The following CACNA2D2 variants were observed in gnomAD, a reference collection of about 807,000 sequenced individuals.
The protein encoded by CACNA2D2 is voltage-dependent calcium channel subunit alpha-2/delta-2.
Under a neutral mutation model 166.4 loss-of-function variants are expected in CACNA2D2, and 48 were observed. That is an observed-to-expected ratio of 0.29 (90% confidence interval 0.23 to 0.37). The LOEUF (loss-of-function observed/expected upper bound fraction) is 0.37, where lower values mean the gene tolerates loss of function less well. Ranked by LOEUF, CACNA2D2 falls within the 10% of genes least tolerant of loss-of-function variation. The pLI, the probability that CACNA2D2 is intolerant of heterozygous loss-of-function variation, is 1.00. For synonymous variants in CACNA2D2, 561 were observed against 573.7 expected, an observed-to-expected ratio of 0.98 and a Z score of 0.32; for missense variants, 1,122 against 1,433.0, an observed-to-expected ratio of 0.78 and a Z score of 3.50.
intron 3 of CACNA2D2, among the ~76,000 whole-genome samples, chr3:50,425,320 C>A (rs1707755771): frequency 6.6e-6 from 1 of 152,188 alleles, no homozygotes; most frequent in Non-Finnish European, 1.5e-5. Context: ...GGGAACTCTA[C>A]TAAGATGCCT....
chr3:50,395,871 G>A lies in CACNA2D2; in HGVS notation c.406-1703C>T, dbSNP rs537118763. Among the ~76,000 whole-genome samples, 13 of 152,268 alleles carry A rather than the reference G, an allele frequency of 8.5e-5. No individual in the cohort carries two copies. In the South Asian group the frequency reaches 2.7e-3, roughly 32 times the overall value. ...CACTGAGTGGTGGGGGAGGCTATGAGGCTGGGGTCCCGGGAGCAGGGGGAG... is the reference window on the plus strand; with the variant it reads ...CACTGAGTGGTGGGGGAGGCTATGAAGCTGGGGTCCCGGGAGCAGGGGGAG... On this transcript the variant is annotated intron_variant, in intron 3 of 37. Transcript: ENST00000424201.
intron 3 of CACNA2D2, among the ~76,000 whole-genome samples, chr3:50,433,889 C>T (rs1342417888): frequency 6.6e-6 from 1 of 152,186 alleles, no homozygotes; most frequent in Admixed American, 6.5e-5. Flanking sequence ...AGAGCCCCCT[C>T]GACACTCCCT....
chr3:50,471,153 G>A (rs1022637230), intron 2 of CACNA2D2, among the ~76,000 whole-genome samples: 11 of 152,092 alleles, frequency 7.2e-5, no homozygotes, highest in African/African-American at 2.7e-4. Flanking sequence ...AGGTGGCTGG[G>A]TAGAGGGGTG....
Position 50,379,376 on chromosome 3 carries a change from C to A in CACNA2D2, c.1152+56G>T. 6.3e-7 allele frequency: 1 copy of A among 1,595,810 alleles called. No homozygotes were observed. Among genetic ancestry groups the A allele is most frequent in the South Asian group, 1.1e-5 (1 of 89,644 alleles). ...CATCCGTCTTGATTTCCTGGGTACA[C>A]CAAGCCAGGGCCCTCTACTCCCCCA... On this transcript the variant is annotated intron_variant, in intron 11 of 37. Coordinates refer to ENST00000424201, the MANE Select transcript of CACNA2D2 (RefSeq NM_006030.4). The surrounding 1 kb of genome is among the most constrained non-coding windows in gnomAD (Gnocchi z 6.5).
At chr3:50,468,441 G>GTGTGTGTGTGTGTGTGT (rs61609978) in intron 2 of CACNA2D2, among the ~76,000 whole-genome samples, 19 of 140,504 alleles carry the variant, frequency 1.4e-4, no homozygotes, top group East Asian at 6.3e-4. Flanking sequence ...GTGTGTGTGT[G>GTGTGTGTGTGTGTGTGT]GCTTTAGGAA....
rs552824990 is a variant in CACNA2D2, at chr3:50,434,354, C to T, written c.364G>A (p.Asp122Asn). The T allele has an allele frequency of 6.2e-7, 1 of 1,613,990 alleles. No homozygotes were observed. The highest frequency in any genetic ancestry group is 8.5e-7 in the Non-Finnish European group (1 of 1,179,994). ...PQKLVEKVAGDIESLLDRKVQ... is the reference protein window; with the variant it reads ...PQKLVEKVAGNIESLLDRKVQ... The stretch of plus-strand genomic sequence containing the variant: ...TTCCTGTCCAGAAGGCTCTCAATGT[C>T]CCCTGCCACCTTCTCCACCAACTTC... Residue 122 changes from aspartate to asparagine, a missense_variant, in exon 3 of 38, where the codon GAC becomes AAC. Around this residue, in one of 2 missense-constraint regions of CACNA2D2, gnomAD observed 840 missense variants for 1,166.8 expected, o/e 0.72. Coordinates refer to ENST00000424201, the MANE Select transcript of CACNA2D2 (RefSeq NM_006030.4).
chr3:50,429,524 G>A (rs1452417675), intron 3 of CACNA2D2, among the ~76,000 whole-genome samples: 5 of 150,412 alleles, frequency 3.3e-5, no homozygotes, highest in African/African-American at 1.2e-4. Context: ...AGGCCGAGAC[G>A]GGCGGATCAC....
chr3:50,448,536 T>C (rs1042696856), intron 2 of CACNA2D2, among the ~76,000 whole-genome samples: 14 of 152,262 alleles, frequency 9.2e-5, no homozygotes, highest in Non-Finnish European at 1.3e-4. Flanking sequence ...CATATCCTGG[T>C]GCCTGTGTGT....
At chr3:50,466,608 G>C (rs1220324801) in intron 2 of CACNA2D2, among the ~76,000 whole-genome samples, 1 of 152,196 alleles carries the variant, frequency 6.6e-6, no homozygotes, top group Non-Finnish European at 1.5e-5. Context: ...CATTCCCCAT[G>C]CAGCACCACG....
intron 3 of CACNA2D2, among the ~76,000 whole-genome samples, chr3:50,412,741 T>C (rs1046729685): frequency 1.3e-5 from 2 of 152,248 alleles, no homozygotes; most frequent in African/African-American, 2.4e-5. Flanking sequence ...CAATTTTTGA[T>C]GACAGTGAAG....
chr3:50,485,586 C>T (rs551833136), intron 1 of CACNA2D2, among the ~76,000 whole-genome samples: 45 of 152,226 alleles, frequency 3.0e-4, no homozygotes, highest in Non-Finnish European at 5.6e-4. Flanking sequence ...CAGCAGCTCC[C>T]ACCACCCAGC....
chr3:50,382,512 C>T (rs1360794671), intron 6 of CACNA2D2, among the ~76,000 whole-genome samples: 1 of 152,208 alleles, frequency 6.6e-6, no homozygotes, highest in Non-Finnish European at 1.5e-5. Context: ...CCCCCTGCTC[C>T]CACTCCCTTC....
intron 3 of CACNA2D2, among the ~76,000 whole-genome samples, chr3:50,394,931 T>C (rs563347944): frequency 6.6e-6 from 1 of 152,260 alleles, no homozygotes; most frequent in African/African-American, 2.4e-5. Flanking sequence ...GGAAGCGCAG[T>C]GCTGTGGGGG....
At chr3:50,387,841 C>T (rs587640090) in intron 4 of CACNA2D2, among the ~76,000 whole-genome samples, 2 of 152,296 alleles carry the variant, frequency 1.3e-5, no homozygotes, top group African/African-American at 2.4e-5. Flanking sequence ...CAGTACCCCT[C>T]GACTGAGAAT....
chr3:50,500,881 G>C (rs942036174), intron 1 of CACNA2D2, among the ~76,000 whole-genome samples: 1 of 152,068 alleles, frequency 6.6e-6, no homozygotes, highest in African/African-American at 2.4e-5. Context: ...CTGCCAGAGC[G>C]ATTGCAGAAA....
intron 1 of CACNA2D2, among the ~76,000 whole-genome samples, chr3:50,502,939 C>G (rs1486284650): frequency 6.6e-6 from 1 of 152,220 alleles, no homozygotes; most frequent in Non-Finnish European, 1.5e-5. Flanking sequence ...TCGGACCGCC[C>G]CCCCCCAACT....
At chr3:50,467,013 G>A (rs1453692859) in intron 2 of CACNA2D2, among the ~76,000 whole-genome samples, 2 of 152,198 alleles carry the variant, frequency 1.3e-5, no homozygotes, top group Non-Finnish European at 2.9e-5. Flanking sequence ...TAAGGGGGTG[G>A]GGGGAGTGAG....
chr3:50,449,316 G>A (rs1708999199), intron 2 of CACNA2D2, among the ~76,000 whole-genome samples: 1 of 152,216 alleles, frequency 6.6e-6, no homozygotes, highest in Non-Finnish European at 1.5e-5. Context: ...GAAGAGGGTA[G>A]CAGGAATTGG....
At chr3:50,502,309 C>A (rs955589783) in intron 1 of CACNA2D2, among the ~76,000 whole-genome samples, 1 of 152,176 alleles carries the variant, frequency 6.6e-6, no homozygotes, top group Non-Finnish European at 1.5e-5. Flanking sequence ...CACCGTGCCC[C>A]AAAGGGGGTC....
Sources: allele counts gnomAD v4.1 joint callset (sites outside exome capture counted in the v4.1 genomes callset), GRCh38; gene constraint gnomAD v4.1.1; regional missense constraint gnomAD v4.1.1; non-coding constraint Gnocchi (gnomAD v3.1); transcripts MANE v1.5; gene names NCBI Gene and HGNC (gene_info 2026-07-23, HGNC 2026-07-21).